The following PTPN1 variants were observed in gnomAD, a reference collection of about 807,000 sequenced individuals.
The protein encoded by PTPN1 is protein tyrosine phosphatase non-receptor type 1.
Under a neutral mutation model 59.9 loss-of-function variants are expected in PTPN1, and 12 were observed. The observed-to-expected ratio is 0.20, with a 90% CI of 0.13 to 0.32. The LOEUF is 0.32. Ranked by LOEUF, PTPN1 falls within the 10% of genes least tolerant of loss-of-function variation. The pLI, the probability that PTPN1 is intolerant of heterozygous loss-of-function variation, is 1.00. For synonymous variants in PTPN1, 178 were observed against 203.6 expected, an observed-to-expected ratio of 0.87 and a Z score of 1.07; for missense variants, 356 against 549.2, an observed-to-expected ratio of 0.65 and a Z score of 3.52.
At chr20:50,523,566 C>T (rs559024044) in intron 1 of PTPN1, among the ~76,000 whole-genome samples, 1 of 152,168 alleles carries the variant, frequency 6.6e-6, no homozygotes, top group Non-Finnish European at 1.5e-5. Flanking sequence ...TCTGTTGATT[C>T]AGTCATTCAA....
chr20:50,543,221 G>A (rs1353153190), intron 1 of PTPN1, among the ~76,000 whole-genome samples: 1 of 152,114 alleles, frequency 6.6e-6, no homozygotes, highest in Non-Finnish European at 1.5e-5. Flanking sequence ...GGGGGAAGGG[G>A]GAAATGTTTA....
rs777861433 is a variant in PTPN1 at position 50,561,444 on chromosome 20, G to T, written c.145G>T (p.Val49Phe). The T allele has an allele frequency of 6.2e-7, 1 of 1,604,798 alleles. No homozygotes were observed. The highest frequency in any genetic ancestry group is 1.3e-5 in the African/African-American group (1 of 74,642). Reference protein sequence around the residue: ...KNKNRNRYRDVSPFDHSRIKL... With the variant: ...KNKNRNRYRDFSPFDHSRIKL... ...CAAAAACCGAAATAGGTACAGAGAC[G>T]TCAGTCCCTGTAAGTATCCACGTGG... is the stretch of plus-strand genomic sequence containing the variant. The change falls in exon 2 of 10, where the codon GTC (valine) becomes TTC (phenylalanine). Residue 49 changes from valine (V) to phenylalanine (F), a missense_variant. Val to Phe is a conservative substitution (Grantham distance 50). Coordinates refer to ENST00000371621, the MANE Select transcript of PTPN1 (RefSeq NM_002827.4).
At chr20:50,550,118 A>C (rs1418183437) in intron 1 of PTPN1, among the ~76,000 whole-genome samples, 1 of 152,038 alleles carries the variant, frequency 6.6e-6, no homozygotes, top group Non-Finnish European at 1.5e-5. Context: ...CAAGAGTTCC[A>C]GGAAATGTAC....
intron 1 of PTPN1, among the ~76,000 whole-genome samples, chr20:50,533,151 T>C (rs1177433807): frequency 2.0e-5 from 3 of 152,086 alleles, no homozygotes; most frequent in Non-Finnish European, 4.4e-5. Context: ...AATTTCTAAA[T>C]CTAAATGTTG....
intron 1 of PTPN1, among the ~76,000 whole-genome samples, chr20:50,529,107 C>T (rs2082589956): frequency 6.6e-6 from 1 of 152,148 alleles, no homozygotes; most frequent in Non-Finnish European, 1.5e-5. Flanking sequence ...AGTCTTATCT[C>T]GAAGCAGTCC....
chr20:50,550,889 CGAG>C (rs749212986), intron 1 of PTPN1, among the ~76,000 whole-genome samples: 42 of 152,198 alleles, frequency 2.8e-4, no homozygotes, highest in Non-Finnish European at 1.5e-4. Context: ...AGTTGTGGAC[CGAG>C]GAGAAGGGTG....
chr20:50,541,819 T>C (rs1466914520), intron 1 of PTPN1, among the ~76,000 whole-genome samples: 1 of 152,064 alleles, frequency 6.6e-6, no homozygotes, highest in Admixed American at 6.5e-5. Flanking sequence ...TTACCACCCA[T>C]TGAGGCCAAC....
At chr20:50,541,108 C>G (rs1324702995) in intron 1 of PTPN1, among the ~76,000 whole-genome samples, 1 of 152,138 alleles carries the variant, frequency 6.6e-6, no homozygotes, top group Non-Finnish European at 1.5e-5. Context: ...GCACATTCTT[C>G]CGAGAAATGT....
chr20:50,563,231 A>G (rs2082761634), intron 2 of PTPN1: 1 of 150,838 alleles, frequency 6.6e-6, no homozygotes, highest in Non-Finnish European at 1.5e-5. Context: ...CTCCTCCCCT[A>G]CTCCTATCCT....
intron 4 of PTPN1, chr20:50,572,761 T>G (rs1243596270): frequency 6.6e-6 from 1 of 152,190 alleles, no homozygotes; most frequent in Non-Finnish European, 1.5e-5. Context: ...AGTGTGGGAT[T>G]AATTCATCTT....
chr20:50,514,241 G>C (rs555197327), intron 1 of PTPN1, among the ~76,000 whole-genome samples: 1 of 152,290 alleles, frequency 6.6e-6, no homozygotes, highest in South Asian at 2.1e-4. Context: ...CTGTTTCTTA[G>C]CTGCAAGTTA....
intron 4 of PTPN1, 70 bp from the exon 5 acceptor site, chr20:50,574,447 G>A: frequency 6.9e-7 from 1 of 1,440,868 alleles, no homozygotes; most frequent in South Asian, 1.4e-5. Context: ...TGTGGGATGT[G>A]CTCCAAGCCT....
In PTPN1 at chr20:50,568,290, GCGCTGT is replaced by G; in HGVS notation, c.256-87_256-82del. On this transcript the variant is annotated intron_variant, in intron 3 of 9. Coordinates refer to ENST00000371621, the MANE Select transcript of PTPN1 (RefSeq NM_002827.4). The surrounding 1 kb of genome is among the most constrained non-coding windows in gnomAD (Gnocchi z 5.6). ...TCTGCCTAAGCTGTGGGGACTGAGGGCGCTGTCGTTAGCTGACTGCAGAAGGTGAGC... is the reference window on the plus strand; with the variant it reads ...TCTGCCTAAGCTGTGGGGACTGAGGGCGTTAGCTGACTGCAGAAGGTGAGC... 1 of 1,129,588 alleles carries G rather than the reference GCGCTGT, an allele frequency of 8.9e-7. No homozygotes were observed. The highest frequency in any genetic ancestry group is 1.3e-6 in the Non-Finnish European group (1 of 747,214). The allele number at this position is 1,129,588 out of a possible 1,614,324, so 70.0% of individuals were successfully genotyped here. A position where few individuals can be genotyped will look rare whatever the true frequency, so the allele number is the denominator to read the frequency against.
At chr20:50,567,634 T>C (rs771360831) in intron 3 of PTPN1, among the ~76,000 whole-genome samples, 10 of 152,214 alleles carry the variant, frequency 6.6e-5, no homozygotes, top group South Asian at 2.1e-4. Context: ...CCAGGTGAGC[T>C]GGATTGAAAT....
At chr20:50,563,495 T>G (rs2082763089) in intron 2 of PTPN1, among the ~76,000 whole-genome samples, 1 of 152,214 alleles carries the variant, frequency 6.6e-6, no homozygotes, top group Non-Finnish European at 1.5e-5. Context: ...CAGTGCTGTT[T>G]GAACCCACTC....
intron 3 of PTPN1, among the ~76,000 whole-genome samples, chr20:50,567,909 C>T (rs923860296): frequency 6.6e-6 from 1 of 152,154 alleles, no homozygotes; most frequent in East Asian, 1.9e-4. Context: ...TATTATTAGT[C>T]AAGTAAGCGA....
chr20:50,544,655 A>C (rs2082666988), intron 1 of PTPN1, among the ~76,000 whole-genome samples: 1 of 152,212 alleles, frequency 6.6e-6, no homozygotes, highest in South Asian at 2.1e-4. Flanking sequence ...CCACTGGGCC[A>C]GCGGGGCTCA....
intron 1 of PTPN1, among the ~76,000 whole-genome samples, chr20:50,528,332 A>C (rs1442937081): frequency 2.0e-5 from 3 of 152,170 alleles, no homozygotes; most frequent in Admixed American, 1.3e-4. Flanking sequence ...ATTGCCAAGT[A>C]ATCTATCAAG....
intron 1 of PTPN1, among the ~76,000 whole-genome samples, chr20:50,536,928 T>C (rs2082626338): frequency 6.6e-6 from 1 of 152,252 alleles, no homozygotes; most frequent in African/African-American, 2.4e-5. Context: ...TTCCTATCAC[T>C]GCAGCTTATA....
Sources: gnomAD v4.1 joint callset for allele counts (sites outside exome capture counted in the v4.1 genomes callset) on GRCh38, gnomAD v4.1.1 for gene constraint, Gnocchi (gnomAD v3.1) non-coding constraint, MANE v1.5 for transcripts, NCBI Gene and HGNC (gene_info 2026-07-23, HGNC 2026-07-21) for gene names.